Variants in ATAT1 observed in about 807,000 individuals in gnomAD.
ATAT1 encodes the protein alpha tubulin acetyltransferase 1, also known as alpha-tubulin N-acetyltransferase 1.
A neutral mutation model predicts 57.2 loss-of-function variants in ATAT1; 42 were observed. The ratio of observed to expected loss-of-function variants is 0.73; its 90% CI spans 0.57 to 0.95. The LOEUF (loss-of-function observed/expected upper bound fraction) is 0.95, where lower values mean the gene tolerates loss of function less well. ATAT1 is among the 40% of genes least tolerant of loss of function. The probability of loss-of-function intolerance (pLI) is 0.00; values close to 1 mark genes in which losing one functional copy is unlikely to be tolerated. For missense variants in ATAT1, 454 were observed against 523.7 expected (o/e 0.87, Z 1.30); for synonymous variants, 168 against 187.1 (o/e 0.90, Z 0.83).
At chr6:30,640,859 C>T (rs17189204) in intron 8 of ATAT1, among the ~76,000 whole-genome samples, 4 of 152,244 alleles carry the variant, frequency 2.6e-5, no homozygotes, top group Non-Finnish European at 5.9e-5. Flanking sequence ...AGTTCAGGTC[C>T]GTCAACATAG....
In ATAT1 at chr6:30,646,080, C is replaced by T. The variant is rs778354527; in HGVS notation, c.1026C>T (p.Ser342=). 70 of 1,610,580 alleles carry T rather than the reference C, an allele frequency of 4.3e-5. No individual in the cohort carries two copies. Among genetic ancestry groups the T allele is most frequent in the Non-Finnish European group, 5.5e-5 (65 of 1,178,380 alleles). Residue 342 remains serine (S), a synonymous_variant, in exon 12 of 13, where the codon TCC becomes TCT. Transcript: ENST00000330083. ...ATATTTCCACAGGCAACCAAGACTC[C>T]AAGCAGGGAGAACAGGAAACAAAGA...
Position 30,642,833 on chromosome 6 carries a change from G to GGCCCCCCCCCCCCCCCCCCCCCCCCCCCC in ATAT1, c.754_755insGCCCCCCCCCCCCCCCCCCCCCCCCCCCC (p.Ala252GlyfsTer77). 1 of 1,537,872 alleles carries GGCCCCCCCCCCCCCCCCCCCCCCCCCCCC rather than the reference G, an allele frequency of 6.5e-7. No homozygotes were observed. Among genetic ancestry groups the GGCCCCCCCCCCCCCCCCCCCCCCCCCCCC allele is most frequent in the Non-Finnish European group, 8.7e-7 (1 of 1,145,778 alleles). ...GGCCCCTCGCCGCGCCACACCTCCA[G>GGCCCCCCCCCCCCCCCCCCCCCCCCCCCC]CCCACCCACCCCCCCGCTCCAGCAG... On this transcript the variant is annotated frameshift_variant, in exon 10 of 13. Transcript: ENST00000330083. LOFTEE classifies it high-confidence loss of function.
intron 6 of ATAT1, among the ~76,000 whole-genome samples, chr6:30,630,846 G>C (rs1762706176): frequency 6.6e-6 from 1 of 151,978 alleles, no homozygotes; most frequent in Admixed American, 6.6e-5. Context: ...GCTGAGGCAG[G>C]AGAATTGCTT....
chr6:30,645,523 G>GA (rs1249869312), intron 10 of ATAT1, among the ~76,000 whole-genome samples: 2 of 152,084 alleles, frequency 1.3e-5, no homozygotes, highest in African/African-American at 4.8e-5. Context: ...CTGGTCTAAG[G>GA]AATCTTATAG....
In ATAT1 at chr6:30,642,832, A is replaced by ACACC; in HGVS notation, c.753_754insCACC (p.Ala252HisfsTer49). 8.1e-7 allele frequency: 1 copy of ACACC among 1,230,750 alleles called. No individual in the cohort carries two copies. The highest frequency in any genetic ancestry group is 1.1e-6 in the Non-Finnish European group (1 of 892,690). 76.2% of individuals were successfully genotyped at this position (1,230,750 alleles called of 1,614,324 possible). On this transcript the variant is annotated frameshift_variant, in exon 10 of 13. Transcript: ENST00000330083. LOFTEE classifies it high-confidence loss of function. ...GGGCCCCTCGCCGCGCCACACCTCC[A>ACACC]GCCCACCCACCCCCCCGCTCCAGCA...
At chr6:30,640,692 T>C in intron 8 of ATAT1, 89 bp downstream of exon 8, 1 of 1,504,184 alleles carries the variant, frequency 6.6e-7, no homozygotes, top group Non-Finnish European at 9.1e-7. Context: ...CTGTGGGCAA[T>C]TTTGGAAAAT....
At position 30,645,925 on chromosome 6, in the gene ATAT1, C is replaced by T; in HGVS notation, c.963C>T (p.Ser321=). Reference sequence around the variant, plus strand: ...CTCCCCCAGGTCTGGTAGCCCAAAGCTGCTGCTACAGCCGCCATGGGGGGG... The same window carrying T: ...CTCCCCCAGGTCTGGTAGCCCAAAGTTGCTGCTACAGCCGCCATGGGGGGG... The change falls in exon 11 of 13, where the codon AGC becomes AGT. Residue 321 remains serine, a synonymous_variant. Coordinates refer to ENST00000330083, the MANE Select transcript of ATAT1 (RefSeq NM_001031722.4). 2.0e-6 allele frequency: 3 copies of T among 1,523,738 alleles called. No homozygotes were observed. Among genetic ancestry groups the T allele is most frequent in the Non-Finnish European group, 2.6e-6 (3 of 1,135,632 alleles). 94.4% of individuals were successfully genotyped at this position (1,523,738 alleles called of 1,614,324 possible).
intron 8 of ATAT1, among the ~76,000 whole-genome samples, chr6:30,641,106 TATACACACATACACACAC>T (rs1765320856): frequency 7.1e-6 from 1 of 140,842 alleles, no homozygotes; most frequent in African/African-American, 2.6e-5. Context: ...CCCCATCCCA[TATACACACATACACACAC>T]ACACACACAC....
At chr6:30,634,555 C>G (rs1445125783) in intron 6 of ATAT1, among the ~76,000 whole-genome samples, 3 of 149,348 alleles carry the variant, frequency 2.0e-5, no homozygotes, top group Admixed American at 6.8e-5. Flanking sequence ...CAGCCAGGTT[C>G]AGTCATTTTT....
intron 10 of ATAT1, among the ~76,000 whole-genome samples, chr6:30,645,311 GTTCAAGCGA>G (rs1360303216): frequency 2.6e-5 from 4 of 151,920 alleles, no homozygotes; most frequent in Non-Finnish European, 1.5e-5. Context: ...CGCCTCCTGG[GTTCAAGCGA>G]TTCTCCTGCC....
intron 10 of ATAT1, 54 bp from the exon 11 acceptor site, chr6:30,645,841 C>T: frequency 8.4e-6 from 11 of 1,317,338 alleles, no homozygotes; most frequent in Non-Finnish European, 1.1e-5. Context: ...CCTCCATACC[C>T]ACCCATCTTT....
chr6:30,628,897 C>T (rs538796629), intron 6 of ATAT1, among the ~76,000 whole-genome samples: 1 of 149,886 alleles, frequency 6.7e-6, no homozygotes, highest in Admixed American at 6.7e-5. Context: ...GCCACCGCAT[C>T]TGACTTTTTT....
In ATAT1 at chr6:30,627,742, C is replaced by CTCT. The variant is rs1246066788; in HGVS notation, c.224+18_224+20dup. 5.6e-6 allele frequency: 9 copies of CTCT among 1,609,542 alleles called. No homozygotes were observed. Among genetic ancestry groups the CTCT allele is most frequent in the Non-Finnish European group, 7.6e-6 (9 of 1,176,918 alleles). Reference sequence around the variant, plus strand: ...TCAGCCCGACCGTGAGTGCCACATGCTCTTCCATCCCATACTTAATTCCTT... The same window carrying CTCT: ...TCAGCCCGACCGTGAGTGCCACATGCTCTTCTTCCATCCCATACTTAATTCCTT... On this transcript the variant is annotated intron_variant, in intron 3 of 12. Coordinates refer to ENST00000330083, the MANE Select transcript of ATAT1 (RefSeq NM_001031722.4).
intron 6 of ATAT1, among the ~76,000 whole-genome samples, chr6:30,638,425 T>G (rs1764627069): frequency 6.6e-6 from 1 of 152,004 alleles, no homozygotes; most frequent in Admixed American, 6.6e-5. Flanking sequence ...CCTGAGTAGC[T>G]AGGATTACAG....
chr6:30,640,669 G>A, intron 8 of ATAT1, 66 bp downstream of exon 8: 1 of 1,565,508 alleles, frequency 6.4e-7, no homozygotes, highest in Non-Finnish European at 8.8e-7. Flanking sequence ...GATGCCACGG[G>A]GTACAGTGCC....
intron 8 of ATAT1, 55 bp from the exon 9 acceptor site, chr6:30,642,121 G>A: frequency 6.2e-7 from 1 of 1,611,612 alleles, no homozygotes; most frequent in Non-Finnish European, 8.5e-7. Flanking sequence ...CTGGGAGGAG[G>A]GGTGCAAAGT....
rs1285574433 is a variant in ATAT1, at chr6:30,626,956, C to T, written c.-248C>T. 1.9e-6 allele frequency: 3 copies of T among 1,606,142 alleles called. No homozygotes were observed. The African/African-American group carries it at 4.0e-5, about 21-fold the overall frequency. ...ACGGTGCTGGACCAGCACCTGAGGC[C>T]CCCAGCCCGCCGACCCGGAACCACA... On this transcript the variant is annotated 5_prime_UTR_variant, in exon 1 of 13. Coordinates refer to ENST00000330083, the MANE Select transcript of ATAT1 (RefSeq NM_001031722.4).
chr6:30,640,259 T>A (rs1765124148), intron 6 of ATAT1, 118 bp from the exon 7 acceptor site: 1 of 1,107,366 alleles, frequency 9.0e-7, no homozygotes, highest in South Asian at 1.3e-5. Flanking sequence ...AGTGTCTAGG[T>A]TTGTGTAAGT....
Position 30,627,450 on chromosome 6 carries a change from C to CT in ATAT1, c.72-7dup, listed in dbSNP as rs1419860936. The CT allele has an allele frequency of 1.2e-6, 2 of 1,612,644 alleles. No homozygotes were observed. The highest frequency in any genetic ancestry group is 1.7e-6 in the Non-Finnish European group (2 of 1,178,824). ...GAGTATCTGACTCTTTATTTCTTCTCTTTCTCTAGTGTTGATCTACAGCAG... is the reference window on the plus strand; with the variant it reads ...GAGTATCTGACTCTTTATTTCTTCTCTTTTCTCTAGTGTTGATCTACAGCAG... On this transcript the variant is annotated splice_polypyrimidine_tract_variant and intron_variant, in intron 1 of 12. Coordinates refer to ENST00000330083, the MANE Select transcript of ATAT1 (RefSeq NM_001031722.4).
Sources: gnomAD v4.1 joint callset for allele counts (sites outside exome capture counted in the v4.1 genomes callset) on GRCh38, gnomAD v4.1.1 for gene constraint, MANE v1.5 for transcripts, NCBI Gene and HGNC (gene_info 2026-07-23, HGNC 2026-07-21) for gene names.